ZNF385D: variants seen among roughly 807,000 people sequenced by gnomAD.
The protein encoded by ZNF385D is zinc finger protein 385D.
Under a neutral mutation model 35.8 loss-of-function variants are expected in ZNF385D, and 15 were observed. The observed-to-expected ratio is 0.42, with a 90% CI of 0.28 to 0.64. The LOEUF (loss-of-function observed/expected upper bound fraction) is 0.64. ZNF385D is among the 30% of genes least tolerant of loss of function. The pLI, the probability that ZNF385D is intolerant of heterozygous loss-of-function variation, is 0.23. For missense variants in ZNF385D, 474 were observed against 494.6 expected (o/e 0.96, Z 0.39); for synonymous variants, 212 against 186.8 (o/e 1.13, Z -1.10).
intron 3 of ZNF385D, among the ~76,000 whole-genome samples, chr3:22,087,421 G>T (rs549767372): frequency 6.6e-6 from 1 of 152,096 alleles, no homozygotes; most frequent in Non-Finnish European, 1.5e-5. Flanking sequence ...TCTCCCCAAA[G>T]GGAGTATATG....
chr3:22,178,229 C>A (rs1475047452), intron 2 of ZNF385D, among the ~76,000 whole-genome samples: 2 of 152,218 alleles, frequency 1.3e-5, no homozygotes, highest in Admixed American at 1.3e-4. Context: ...TATTTCTCCA[C>A]ATCCTCTCCA....
intron 2 of ZNF385D, among the ~76,000 whole-genome samples, chr3:22,295,013 C>A (rs7645253): frequency 0.14 from 20,668 of 152,010 alleles, 2,756 homozygotes; most frequent in African/African-American, 0.35. Flanking sequence ...ATGTTTCACT[C>A]TAGGATTATA....
intron 3 of ZNF385D, among the ~76,000 whole-genome samples, chr3:21,519,786 GCCAGTGTACAAAATC>G (rs1707798408): frequency 6.6e-6 from 1 of 152,158 alleles, no homozygotes; most frequent in East Asian, 1.9e-4. Flanking sequence ...TAGCTGCTCA[GCCAGTGTACAAAATC>G]CCTTCAGAAT....
chr3:22,163,604 A>T (rs918224957), intron 3 of ZNF385D, among the ~76,000 whole-genome samples: 16 of 152,218 alleles, frequency 1.1e-4, no homozygotes, highest in African/African-American at 3.6e-4. Flanking sequence ...CAAATATCAA[A>T]TAATGATATT....
chr3:21,904,302 C>CAAA lies in ZNF385D; in HGVS notation c.326-239277_326-239275dup, dbSNP rs548922115. On this transcript the variant is annotated intron_variant, in intron 3 of 5. Transcript: ENST00000494108. Reference sequence around the variant, plus strand: ...CTGGTGACAGAGTGAGACTCCATCTCAAAAAAAAAAAAAAAAAAAAAGAAT... The same window carrying CAAA: ...CTGGTGACAGAGTGAGACTCCATCTCAAAAAAAAAAAAAAAAAAAAAAAAGAAT... Among the ~76,000 whole-genome samples the CAAA allele has an allele frequency of 2.5e-3, 197 of 79,010 alleles. 6 individuals are homozygous for CAAA. The highest frequency in any genetic ancestry group is 0.022 in the South Asian group (48 of 2,144). The allele number at this position is 79,010 out of a possible 152,430, so 51.8% of individuals were successfully genotyped here. A position where few individuals can be genotyped will look rare whatever the true frequency, so the allele number is the denominator to read the frequency against.
chr3:21,982,406 T>C (rs1241447049), intron 3 of ZNF385D, among the ~76,000 whole-genome samples: 1 of 152,162 alleles, frequency 6.6e-6, no homozygotes, highest in Non-Finnish European at 1.5e-5. Flanking sequence ...TGTCTAGGAA[T>C]GCTAAGTGAG....
At chr3:22,057,966 G>A (rs539723242) in intron 3 of ZNF385D, among the ~76,000 whole-genome samples, 1 of 152,216 alleles carries the variant, frequency 6.6e-6, no homozygotes, top group South Asian at 2.1e-4. Context: ...CCATATTCTT[G>A]TTTATCTCAA....
chr3:21,904,601 T>C (rs1699581973), intron 3 of ZNF385D, among the ~76,000 whole-genome samples: 1 of 152,142 alleles, frequency 6.6e-6, no homozygotes. Context: ...CTAGCCTAGA[T>C]AAAGCTTTAT....
At chr3:22,003,302 A>G (rs1033948671) in intron 3 of ZNF385D, among the ~76,000 whole-genome samples, 1 of 152,204 alleles carries the variant, frequency 6.6e-6, no homozygotes, top group Non-Finnish European at 1.5e-5. Flanking sequence ...CAAAACAGAT[A>G]TCAAGACCAC....
At chr3:21,765,626 T>G in intron 3 of ZNF385D, among the ~76,000 whole-genome samples, 1 of 146,398 alleles carries the variant, frequency 6.8e-6, no homozygotes, top group East Asian at 2.1e-4. Flanking sequence ...ATGTGCAAGA[T>G]GGATAAGCAA....
At chr3:22,214,543 C>G (rs1697736018) in intron 2 of ZNF385D, among the ~76,000 whole-genome samples, 1 of 152,016 alleles carries the variant, frequency 6.6e-6, no homozygotes, top group South Asian at 2.1e-4. Flanking sequence ...CTGCTAAATT[C>G]TTTTTCTCAG....
chr3:22,202,710 A>G (rs568645036), intron 2 of ZNF385D, among the ~76,000 whole-genome samples: 21 of 152,258 alleles, frequency 1.4e-4, no homozygotes, highest in African/African-American at 5.1e-4. Flanking sequence ...CCCTAGCAGC[A>G]GATGCAGGAT....
chr3:21,559,863 T>C (rs990135266), intron 3 of ZNF385D, among the ~76,000 whole-genome samples: 1 of 152,214 alleles, frequency 6.6e-6, no homozygotes, highest in African/African-American at 2.4e-5. Flanking sequence ...TTGTTTCTTT[T>C]CATTCTTTTT....
chr3:21,988,549 G>T (rs1009471763), intron 3 of ZNF385D, among the ~76,000 whole-genome samples: 1 of 149,404 alleles, frequency 6.7e-6, no homozygotes, highest in African/African-American at 2.4e-5. Flanking sequence ...GCTGCATGCT[G>T]GGAGAACCAC....
intron 2 of ZNF385D, among the ~76,000 whole-genome samples, chr3:21,659,082 GCTT>G (rs2066158386): frequency 1.3e-5 from 2 of 151,512 alleles, no homozygotes; most frequent in South Asian, 2.1e-4. Context: ...TCACTATCCT[GCTT>G]CTTCTCTTCT....
chr3:22,150,800 T>C (rs1382931811), intron 3 of ZNF385D, among the ~76,000 whole-genome samples: 1 of 152,278 alleles, frequency 6.6e-6, no homozygotes, highest in East Asian at 1.9e-4. Flanking sequence ...CTGATGTATA[T>C]TCATGTGAAA....
At chr3:22,210,092 AC>A (rs1697422045) in intron 2 of ZNF385D, among the ~76,000 whole-genome samples, 1 of 151,828 alleles carries the variant, frequency 6.6e-6, no homozygotes, top group Non-Finnish European at 1.5e-5. Flanking sequence ...GTAATTTCAA[AC>A]CATTTATACC....
intron 3 of ZNF385D, among the ~76,000 whole-genome samples, chr3:21,884,015 T>C (rs938482478): frequency 6.6e-6 from 1 of 152,014 alleles, no homozygotes; most frequent in African/African-American, 2.4e-5. Flanking sequence ...AGAGGGTTGC[T>C]AAGGCTTTTA....
chr3:21,811,749 A>G (rs186694810), intron 3 of ZNF385D, among the ~76,000 whole-genome samples: 16 of 152,336 alleles, frequency 1.1e-4, no homozygotes, highest in African/African-American at 3.8e-4. Context: ...TAATTCAGAA[A>G]GTAATTCATG....
Sources: allele counts gnomAD v4.1 joint callset (sites outside exome capture counted in the v4.1 genomes callset), GRCh38; gene constraint gnomAD v4.1.1; transcripts MANE v1.5; gene names NCBI Gene and HGNC (gene_info 2026-07-23, HGNC 2026-07-21).